ST6GALNAC3: variants seen among roughly 807,000 people sequenced by gnomAD.
The protein encoded by ST6GALNAC3 is alpha-N-acetylgalactosaminide alpha-2,6-sialyltransferase 3.
A neutral mutation model predicts 32.7 loss-of-function variants in ST6GALNAC3; 25 were observed. The ratio of observed to expected loss-of-function variants is 0.76; its 90% CI spans 0.56 to 1.07. ST6GALNAC3 has a LOEUF of 1.07. Among genes scored for constraint, ST6GALNAC3 ranks in the 50% least tolerant of loss-of-function variants. The pLI is 0.00. For missense variants in ST6GALNAC3, 355 were observed against 382.4 expected, an observed-to-expected ratio of 0.93 and a Z score of 0.60; for synonymous variants, 129 against 133.1, an observed-to-expected ratio of 0.97 and a Z score of 0.21.
chr1:76,627,595 A>G (rs565803344), intron 4 of ST6GALNAC3, 36 bp downstream of exon 4: 3 of 1,412,246 alleles, frequency 2.1e-6, no homozygotes, highest in East Asian at 4.6e-5. Context: ...TGCAGCTCCA[A>G]TTCGGAGATC....
At chr1:76,335,725 C>G (rs962022951) in intron 2 of ST6GALNAC3, among the ~76,000 whole-genome samples, 22 of 152,094 alleles carry the variant, frequency 1.4e-4, no homozygotes, top group African/African-American at 4.8e-4. Context: ...ATTATGTTTT[C>G]CAATTACCAA....
intron 2 of ST6GALNAC3, among the ~76,000 whole-genome samples, chr1:76,391,454 T>C (rs1652540107): frequency 6.6e-6 from 1 of 152,110 alleles, no homozygotes; most frequent in Admixed American, 6.6e-5. Context: ...GAAGGTGAAT[T>C]AACCAGCTAA....
At chr1:76,390,011 A>G (rs76929811) in intron 2 of ST6GALNAC3, among the ~76,000 whole-genome samples, 12,107 of 152,212 alleles carry the variant, frequency 0.08, 523 homozygotes, top group Middle Eastern at 0.12. Flanking sequence ...CTATCATTGT[A>G]TCATACTGAC....
chr1:76,178,736 A>T (rs186327773), intron 1 of ST6GALNAC3, among the ~76,000 whole-genome samples: 10 of 152,312 alleles, frequency 6.6e-5, no homozygotes, highest in Non-Finnish European at 1.5e-4. Flanking sequence ...ATCATCTGAG[A>T]AAGAGAAATT....
At chr1:76,274,920 A>C (rs1557744758) in intron 1 of ST6GALNAC3, among the ~76,000 whole-genome samples, 1 of 152,184 alleles carries the variant, frequency 6.6e-6, no homozygotes, top group Non-Finnish European at 1.5e-5. Context: ...CCATTTCTTC[A>C]CTAGAAGTTG....
intron 1 of ST6GALNAC3, among the ~76,000 whole-genome samples, chr1:76,079,879 C>T (rs1484731133): frequency 6.6e-6 from 1 of 152,224 alleles, no homozygotes; most frequent in Non-Finnish European, 1.5e-5. Flanking sequence ...TCCCCTGCCT[C>T]AGCAGGCTTC....
chr1:76,218,534 A>G (rs1258257285), intron 1 of ST6GALNAC3, among the ~76,000 whole-genome samples: 1 of 152,250 alleles, frequency 6.6e-6, no homozygotes, highest in Admixed American at 6.5e-5. Flanking sequence ...CAACATGTGC[A>G]TATACAATTT....
intron 2 of ST6GALNAC3, among the ~76,000 whole-genome samples, chr1:76,391,183 G>A (rs914947811): frequency 6.6e-6 from 1 of 151,980 alleles, no homozygotes; most frequent in Non-Finnish European, 1.5e-5. Flanking sequence ...CTCGTGATCC[G>A]CCCATCTTGG....
chr1:76,515,701 A>G (rs1662133884), intron 3 of ST6GALNAC3, among the ~76,000 whole-genome samples: 1 of 152,108 alleles, frequency 6.6e-6, no homozygotes, highest in Non-Finnish European at 1.5e-5. Flanking sequence ...TTTAATTTCC[A>G]TGTATTTGTA....
At chr1:76,087,672 G>C (rs1646983051) in intron 1 of ST6GALNAC3, among the ~76,000 whole-genome samples, 1 of 152,180 alleles carries the variant, frequency 6.6e-6, no homozygotes. Context: ...GGCTTGGAGA[G>C]GCTAAGTCAC....
chr1:76,184,053 G>A (rs1012551145), intron 1 of ST6GALNAC3, among the ~76,000 whole-genome samples: 10 of 151,446 alleles, frequency 6.6e-5, no homozygotes, highest in Admixed American at 2.0e-4. Context: ...GCCCATTCAC[G>A]TAACCCATTT....
intron 3 of ST6GALNAC3, among the ~76,000 whole-genome samples, chr1:76,596,061 A>C (rs1279965022): frequency 1.3e-5 from 2 of 152,116 alleles, no homozygotes; most frequent in Admixed American, 6.6e-5. Flanking sequence ...ATGCGCGGCC[A>C]AGGCTGGGAA....
intron 3 of ST6GALNAC3, among the ~76,000 whole-genome samples, chr1:76,484,664 G>T (rs920886326): frequency 1.3e-5 from 2 of 152,182 alleles, no homozygotes; most frequent in Non-Finnish European, 2.9e-5. Context: ...CATGTCATCT[G>T]CAAACAGGGA....
At chr1:76,365,963 G>A (rs928550164) in intron 2 of ST6GALNAC3, among the ~76,000 whole-genome samples, 2 of 152,166 alleles carry the variant, frequency 1.3e-5, no homozygotes, top group Admixed American at 1.3e-4. Flanking sequence ...CAATTCATAT[G>A]TGTTAGGTGT....
At chr1:76,311,054 C>A (rs940848916) in intron 1 of ST6GALNAC3, among the ~76,000 whole-genome samples, 2 of 152,124 alleles carry the variant, frequency 1.3e-5, no homozygotes, top group African/African-American at 4.8e-5. Context: ...CTGTCAGTAG[C>A]CCAAGTTCTA....
intron 1 of ST6GALNAC3, among the ~76,000 whole-genome samples, chr1:76,290,335 T>C (rs1168431706): frequency 6.6e-6 from 1 of 152,218 alleles, no homozygotes; most frequent in Non-Finnish European, 1.5e-5. Context: ...TTCAAGCTTT[T>C]TTTAAAATCA....
intron 3 of ST6GALNAC3, among the ~76,000 whole-genome samples, chr1:76,563,975 G>A (rs1275809402): frequency 6.6e-6 from 1 of 152,192 alleles, no homozygotes; most frequent in Non-Finnish European, 1.5e-5. Flanking sequence ...GTCCAGGGAA[G>A]GGAAAGGGAT....
intron 3 of ST6GALNAC3, among the ~76,000 whole-genome samples, chr1:76,505,017 C>A (rs1211265901): frequency 6.6e-6 from 1 of 152,124 alleles, no homozygotes; most frequent in Non-Finnish European, 1.5e-5. Context: ...CCGTCATAGT[C>A]CTGCTAAACA....
At chr1:76,525,951 A>G (rs1032979731) in intron 3 of ST6GALNAC3, among the ~76,000 whole-genome samples, 2 of 150,840 alleles carry the variant, frequency 1.3e-5, no homozygotes, top group East Asian at 3.9e-4. Flanking sequence ...ATGGAAGCAG[A>G]CTCTCAAGTT....
Sources: gnomAD v4.1 joint callset for allele counts (sites outside exome capture counted in the v4.1 genomes callset) on GRCh38, gnomAD v4.1.1 for gene constraint, MANE v1.5 for transcripts, NCBI Gene and HGNC (gene_info 2026-07-23, HGNC 2026-07-21) for gene names.